The following RMDN2 variants were observed in gnomAD, a reference collection of about 807,000 sequenced individuals.
The protein encoded by RMDN2 is regulator of microtubule dynamics protein 2.
In RMDN2, 61 loss-of-function variants were observed where a neutral mutation model predicts 52.8. That is an observed-to-expected ratio of 1.16 (90% CI 0.94 to 1.43). The LOEUF (loss-of-function observed/expected upper bound fraction) is 1.43. Among genes scored for constraint, RMDN2 ranks in the 40% most tolerant of loss-of-function variants. The probability of loss-of-function intolerance (pLI) is 0.00; values close to 1 mark genes in which losing one functional copy is unlikely to be tolerated. For missense variants in RMDN2, 592 were observed against 475.3 expected (o/e 1.25, Z -2.28); for synonymous variants, 180 against 153.1 (o/e 1.18, Z -1.30).
At chr2:37,978,708 A>T (rs1334895049) in intron 4 of RMDN2, among the ~76,000 whole-genome samples, 2 of 152,088 alleles carry the variant, frequency 1.3e-5, no homozygotes, top group African/African-American at 4.8e-5. Context: ...AGTCCAAGAG[A>T]TCAAAGCCAC....
At position 38,017,703 on chromosome 2, in the gene RMDN2, G is replaced by T; in HGVS notation, c.*464G>T. 2.2e-6 allele frequency: 1 copy of T among 444,980 alleles called. No homozygotes were observed. The highest frequency in any genetic ancestry group is 2.2e-5 in the South Asian group (1 of 45,698). The allele number at this position is 444,980 out of a possible 1,614,324, so 27.6% of individuals were successfully genotyped here. ...GTAGTATTGTAACTGGTAATCAAAA[G>T]ATGTGAATAAAATTACAATAAAATA... On this transcript the variant is annotated 3_prime_UTR_variant, in exon 11 of 11. Transcript: ENST00000354545.
At chr2:38,000,150 T>A (rs1273003847) in intron 8 of RMDN2, among the ~76,000 whole-genome samples, 1 of 151,706 alleles carries the variant, frequency 6.6e-6, no homozygotes, top group Non-Finnish European at 1.5e-5. Context: ...CCTGTAGGAG[T>A]CATCTGTGAA....
At chr2:37,951,639 AT>A (rs761706403) in intron 2 of RMDN2, 21 of 1,611,722 alleles carry the variant, frequency 1.3e-5, no homozygotes, top group South Asian at 2.2e-5. Context: ...CAAGAGTGCC[AT>A]TTTTTTTGAT....
At chr2:38,002,836 T>C (rs1573029050) in intron 8 of RMDN2, 1 of 152,346 alleles carries the variant, frequency 6.6e-6, no homozygotes, top group East Asian at 1.9e-4. Context: ...TGTAAATTTT[T>C]AAAAGTATCC....
intron 8 of RMDN2, among the ~76,000 whole-genome samples, chr2:37,998,751 G>A (rs537264906): frequency 1.5e-3 from 232 of 152,014 alleles, no homozygotes; most frequent in African/African-American, 5.5e-3. Flanking sequence ...AAAAGAAACG[G>A]GCTGTACATT....
intron 1 of RMDN2, among the ~76,000 whole-genome samples, chr2:37,926,499 T>G (rs1666288403): frequency 6.6e-6 from 1 of 152,238 alleles, no homozygotes; most frequent in Non-Finnish European, 1.5e-5. Flanking sequence ...CCATTGTTAT[T>G]TACTAGCACC....
In RMDN2 at chr2:37,997,498, T is replaced by A. The variant is rs1411263312; in HGVS notation, c.1028T>A (p.Leu343Ter). The change falls in exon 8 of 11, where the codon TTA becomes TAA. Residue 343 changes from leucine (L) to a stop codon, truncating the protein, a stop_gained. Coordinates refer to ENST00000354545, the MANE Select transcript of RMDN2 (RefSeq NM_001170791.3). LOFTEE classifies it high-confidence loss of function. The stretch of plus-strand genomic sequence containing the variant: ...CCATCTTCAACTGTACAAGAAGCTT[T>A]ACACAATTTCCTTAAGGTACATTTT... ...KIPSSTVQEALHNFLKAEELC... is the reference protein window; with the variant it reads ...KIPSSTVQEA 4 of 1,609,802 alleles carry A rather than the reference T, an allele frequency of 2.5e-6. No homozygotes were observed. The highest frequency in any genetic ancestry group is 3.4e-6 in the Non-Finnish European group (4 of 1,176,208).
chr2:37,924,642 C>G (rs1666134135), upstream of RMDN2, among the ~76,000 whole-genome samples: 1 of 152,236 alleles, frequency 6.6e-6, no homozygotes, highest in Non-Finnish European at 1.5e-5. Flanking sequence ...GCTGGGATTA[C>G]AGGCGTGACC....
rs1673280172 is a variant in RMDN2, at chr2:37,981,309, A to G, written c.757A>G (p.Asn253Asp). ...IGKTLSERAI[N>D]RAPMNGHCHL... Reference sequence around the variant, plus strand: ...AAAAACTTTAAGTGAAAGAGCTATTAATAGAGCACCCATGAATGGACATTG... The same window carrying G: ...AAAAACTTTAAGTGAAAGAGCTATTGATAGAGCACCCATGAATGGACATTG... Residue 253 changes from asparagine to aspartate, a missense_variant, in exon 5 of 11, where the codon AAT becomes GAT. Asn to Asp is a conservative substitution (Grantham distance 23). Transcript: ENST00000354545. 6.2e-7 allele frequency: 1 copy of G among 1,607,212 alleles called. No homozygotes were observed. Among genetic ancestry groups the G allele is most frequent in the African/African-American group, 1.3e-5 (1 of 74,934 alleles).
At chr2:37,921,859 A>T (rs1666041348), upstream of RMDN2, among the ~76,000 whole-genome samples, 1 of 152,222 alleles carries the variant, frequency 6.6e-6, no homozygotes, top group South Asian at 2.1e-4. Flanking sequence ...TGTTGGGAAA[A>T]TGGAATAAGA....
intron 10 of RMDN2, among the ~76,000 whole-genome samples, chr2:38,037,220 A>G (rs1680644573): frequency 1.3e-5 from 2 of 152,216 alleles, no homozygotes; most frequent in South Asian, 4.1e-4. Context: ...TTTGTAAGGA[A>G]GATCAAATAA....
chr2:37,978,299 G>A (rs1190417097), intron 4 of RMDN2, among the ~76,000 whole-genome samples: 1 of 138,022 alleles, frequency 7.2e-6, no homozygotes, highest in African/African-American at 2.8e-5. Flanking sequence ...CGGCATCAGA[G>A]GGAGACCGTG....
chr2:37,938,385 G>A (rs539802003), intron 2 of RMDN2, among the ~76,000 whole-genome samples: 1 of 152,188 alleles, frequency 6.6e-6, no homozygotes, highest in Non-Finnish European at 1.5e-5. Flanking sequence ...GCCAGGTTTT[G>A]GTATCAGGAT....
At chr2:38,049,943 A>G (rs1308945149) in intron 10 of RMDN2, among the ~76,000 whole-genome samples, 1 of 152,234 alleles carries the variant, frequency 6.6e-6, no homozygotes, top group Non-Finnish European at 1.5e-5. Flanking sequence ...GTTACGGCTA[A>G]TTATTGCTGC....
chr2:37,977,362 C>A (rs896755501), intron 4 of RMDN2, among the ~76,000 whole-genome samples: 1 of 152,232 alleles, frequency 6.6e-6, no homozygotes, highest in East Asian at 1.9e-4. Flanking sequence ...GGGTACACCT[C>A]CCAGACGGGG....
At chr2:37,975,189 G>T (rs896887492) in intron 3 of RMDN2, 23 bp from the exon 4 acceptor site, 6 of 1,379,800 alleles carry the variant, frequency 4.3e-6, no homozygotes, top group Non-Finnish European at 6.2e-6. Flanking sequence ...AATTTAACAG[G>T]CAACTCCATC....
At chr2:37,921,045 A>G (rs1666016332), upstream of RMDN2, among the ~76,000 whole-genome samples, 1 of 152,246 alleles carries the variant, frequency 6.6e-6, no homozygotes, top group African/African-American at 2.4e-5. Context: ...AGAATTCTAT[A>G]TCTTAATTAG....
At chr2:38,030,414 A>G (rs186872532) in intron 10 of RMDN2, 2 of 152,314 alleles carry the variant, frequency 1.3e-5, no homozygotes, top group Non-Finnish European at 2.9e-5. Flanking sequence ...AACTTCTGCA[A>G]CACCTCAGTA....
intron 10 of RMDN2, among the ~76,000 whole-genome samples, chr2:38,041,983 C>T (rs902295645): frequency 1.3e-5 from 2 of 152,004 alleles, no homozygotes; most frequent in East Asian, 3.9e-4. Context: ...AGTTAGGAAG[C>T]GTTCCTTCTG....
Sources: gnomAD v4.1 joint callset for allele counts (sites outside exome capture counted in the v4.1 genomes callset) on GRCh38, gnomAD v4.1.1 for gene constraint, MANE v1.5 for transcripts, NCBI Gene and HGNC (gene_info 2026-07-23, HGNC 2026-07-21) for gene names.